AMMECR1: variants seen among roughly 807,000 people sequenced by gnomAD.
AMMECR1 encodes AMMECR nuclear protein 1.
A neutral mutation model predicts 22.5 loss-of-function variants in AMMECR1; 3 were observed. That is an observed-to-expected ratio of 0.13 (90% CI 0.06 to 0.35). The LOEUF is 0.35. Ranked by LOEUF, AMMECR1 falls within the 10% of genes least tolerant of loss-of-function variation. AMMECR1 has a pLI of 1.00. For missense variants in AMMECR1, 235 were observed against 278.7 expected (o/e 0.84, Z 1.12); for synonymous variants, 130 against 116.7 (o/e 1.11, Z -0.74).
intron 1 of AMMECR1, among the ~76,000 whole-genome samples, chrX:110,294,584 T>C (rs1212393583): frequency 8.9e-6 from 1 of 111,821 alleles, no homozygotes; most frequent in Non-Finnish European, 1.9e-5. Flanking sequence ...TTAAAACCTG[T>C]TGAGAGCTTT....
At chrX:110,214,720 T>C (rs750369001) in intron 3 of AMMECR1, among the ~76,000 whole-genome samples, 6 of 111,473 alleles carry the variant, frequency 5.4e-5, no homozygotes, top group African/African-American at 2.0e-4. Context: ...CACACACACA[T>C]GCACACACAC....
chrX:110,248,611 C>T (rs999785876), intron 2 of AMMECR1, among the ~76,000 whole-genome samples: 1 of 111,866 alleles, frequency 8.9e-6, no homozygotes, highest in Non-Finnish European at 1.9e-5. Flanking sequence ...TCCTAAGGAA[C>T]TTCAAATTGC....
At chrX:110,372,366 C>T (rs1014300438) in intron 2 of AMMECR1, among the ~76,000 whole-genome samples, 4 of 112,142 alleles carry the variant, frequency 3.6e-5, no homozygotes, top group African/African-American at 9.7e-5. Context: ...AAAGTGGCAC[C>T]GTTCTTCACA....
At chrX:110,407,052 A>G (rs1264335096) in intron 2 of AMMECR1, among the ~76,000 whole-genome samples, 5 of 111,550 alleles carry the variant, frequency 4.5e-5, no homozygotes. Context: ...AAGCTCTGGT[A>G]TTGCGCAAAC....
chrX:110,232,192 C>T (rs1462267155), intron 2 of AMMECR1, among the ~76,000 whole-genome samples: 1 of 111,863 alleles, frequency 8.9e-6, no homozygotes, highest in Non-Finnish European at 1.9e-5. Context: ...GGACTCTCCA[C>T]CCCAAATCAA....
intron 2 of AMMECR1, among the ~76,000 whole-genome samples, chrX:110,412,378 T>C (rs2068647165): frequency 8.9e-6 from 1 of 112,469 alleles, no homozygotes; most frequent in African/African-American, 3.2e-5. Flanking sequence ...GAAGGACTGG[T>C]TAAATCATTT....
At position 110,213,992 on chromosome X, in the gene AMMECR1, G is replaced by A. The variant is rs780336509; in HGVS notation, c.699+2526C>T. The stretch of plus-strand genomic sequence containing the variant: ...AAAAAAAAAAATGGGGGCCAGGCAC[G>A]GTGGCTCACGCCTGTAATCCCAGCA... On this transcript the variant is annotated intron_variant, in intron 3 of 5. Transcript: ENST00000262844. Among the ~76,000 whole-genome samples, 9 of 110,774 alleles carry A rather than the reference G, an allele frequency of 8.1e-5. No homozygotes were observed. In the East Asian group the frequency reaches 2.0e-3, roughly 24 times the overall value.
chrX:110,205,999 CA>C (rs752618537), intron 3 of AMMECR1, among the ~76,000 whole-genome samples: 1 of 112,183 alleles, frequency 8.9e-6, no homozygotes, highest in African/African-American at 3.2e-5. Context: ...TTGTTTTTAA[CA>C]TTGTTCAGAA....
upstream of AMMECR1, among the ~76,000 whole-genome samples, chrX:110,322,603 A>G (rs748650518): frequency 2.1e-4 from 24 of 111,668 alleles, no homozygotes; most frequent in Admixed American, 1.2e-3. Flanking sequence ...GAGGATTAAC[A>G]TTGTCAATTA....
chrX:110,256,515 T>C (rs1411278546), intron 2 of AMMECR1, among the ~76,000 whole-genome samples: 1 of 111,740 alleles, frequency 8.9e-6, no homozygotes, highest in Non-Finnish European at 1.9e-5. Flanking sequence ...TGTAGTTCTT[T>C]AGGACAGGAC....
At chrX:110,412,632 G>A (rs1436558735) in intron 2 of AMMECR1, among the ~76,000 whole-genome samples, 1 of 112,490 alleles carries the variant, frequency 8.9e-6, no homozygotes, top group Non-Finnish European at 1.9e-5. Context: ...CTGGCACAGA[G>A]CATTTAATAA....
chrX:110,430,755 T>C (rs914221441), intron 1 of AMMECR1, among the ~76,000 whole-genome samples: 1 of 112,386 alleles, frequency 8.9e-6, no homozygotes, highest in Non-Finnish European at 1.9e-5. Context: ...GAATTACAGC[T>C]CTTTGAAATG....
chrX:110,420,660 G>A (rs1205099292), intron 2 of AMMECR1, among the ~76,000 whole-genome samples: 1 of 112,155 alleles, frequency 8.9e-6, no homozygotes, highest in Non-Finnish European at 1.9e-5. Flanking sequence ...GTGTGGGGAG[G>A]TGGTGGTGGG....
intron 1 of AMMECR1, among the ~76,000 whole-genome samples, chrX:110,302,296 T>A (rs1383292615): frequency 9.0e-6 from 1 of 111,092 alleles, no homozygotes; most frequent in East Asian, 2.8e-4. Context: ...TTCACCCAGT[T>A]AGACAGTGTT....
At chrX:110,364,887 G>C (rs1444834856) in intron 2 of AMMECR1, among the ~76,000 whole-genome samples, 1 of 112,130 alleles carries the variant, frequency 8.9e-6, no homozygotes, top group Non-Finnish European at 1.9e-5. Flanking sequence ...TCCCTGTAGT[G>C]CCAACTATAT....
intron 1 of AMMECR1, among the ~76,000 whole-genome samples, chrX:110,302,100 T>C (rs1262763865): frequency 1.8e-5 from 2 of 111,554 alleles, no homozygotes; most frequent in Non-Finnish European, 3.8e-5. Flanking sequence ...TAACTAACAA[T>C]AATATCAAAT....
At chrX:110,200,871 G>T in intron 5 of AMMECR1, 83 bp downstream of exon 5, 1 of 668,456 alleles carries the variant, frequency 1.5e-6, no homozygotes, top group Non-Finnish European at 2.3e-6. Flanking sequence ...AGTGTAGTTA[G>T]AGAGACCAAA....
chrX:110,264,443 T>G (rs769376187), intron 2 of AMMECR1, 46 bp downstream of exon 2: 1 of 748,140 alleles, frequency 1.3e-6, no homozygotes, highest in East Asian at 3.4e-5. Context: ...TTTCATAAGT[T>G]TTTTTTTTTA....
In AMMECR1 at chrX:110,195,646, T is replaced by C. The variant is rs1376602428; in HGVS notation, c.*2874A>G. ...TCACTGAACTCATACAATATTCTGATGATAAGAGTGCAATTCACATTTGTG... is the reference window on the plus strand; with the variant it reads ...TCACTGAACTCATACAATATTCTGACGATAAGAGTGCAATTCACATTTGTG... On this transcript the variant is annotated 3_prime_UTR_variant, in exon 6 of 6. Transcript: ENST00000262844. 1 of 112,410 alleles carries C rather than the reference T, an allele frequency of 8.9e-6. No individual in the cohort carries two copies. The highest frequency in any genetic ancestry group is 1.9e-5 in the Non-Finnish European group (1 of 53,236). The allele number at this position is 112,410 out of a possible 1,213,427, so 9.3% of individuals were successfully genotyped here. A position where few individuals can be genotyped will look rare whatever the true frequency, so the allele number is the denominator to read the frequency against.
Sources: allele counts gnomAD v4.1 joint callset (sites outside exome capture counted in the v4.1 genomes callset), GRCh38; gene constraint gnomAD v4.1.1; transcripts MANE v1.5; gene names NCBI Gene and HGNC (gene_info 2026-07-23, HGNC 2026-07-21).